GPC5: variants seen among roughly 807,000 people sequenced by gnomAD.
The protein encoded by GPC5 is glypican-5.
A neutral mutation model predicts 53.9 loss-of-function variants in GPC5; 47 were observed. The observed-to-expected ratio is 0.87, with a 90% CI of 0.69 to 1.11. The LOEUF (loss-of-function observed/expected upper bound fraction) is 1.11. Among genes scored for constraint, GPC5 ranks in the 50% most tolerant of loss-of-function variants. The pLI, the probability that GPC5 is intolerant of heterozygous loss-of-function variation, is 0.00. For missense variants in GPC5, 748 were observed against 713.1 expected (o/e 1.05, Z -0.56); for synonymous variants, 286 against 263.3 (o/e 1.09, Z -0.84).
intron 7 of GPC5, among the ~76,000 whole-genome samples, chr13:92,665,278 G>A (rs1160485881): frequency 6.6e-6 from 1 of 152,096 alleles, no homozygotes; most frequent in Non-Finnish European, 1.5e-5. Context: ...GGAAGGAGGA[G>A]ATAAGAAAAC....
chr13:92,077,815 C>A (rs1411217524), intron 6 of GPC5, among the ~76,000 whole-genome samples: 10 of 152,108 alleles, frequency 6.6e-5, no homozygotes. Flanking sequence ...GAAGAATAGA[C>A]GACTTTGAAA....
At chr13:91,431,208 T>C (rs949499793) in intron 1 of GPC5, among the ~76,000 whole-genome samples, 5 of 152,144 alleles carry the variant, frequency 3.3e-5, no homozygotes, top group African/African-American at 1.2e-4. Context: ...ATTATTTATT[T>C]CTGGGCACAC....
In GPC5 at chr13:91,600,305, CAGAGAGAGAGAG is replaced by C. The variant is rs67108031; in HGVS notation, c.326-92849_326-92838del. On this transcript the variant is annotated intron_variant, in intron 2 of 7. Coordinates refer to ENST00000377067, the MANE Select transcript of GPC5 (RefSeq NM_004466.6). ...TTTATCATGGTAATCGTTCATTTTA[CAGAGAGAGAGAG>C]AGAGAGAGAGAGAGAGAGAGAGAGA... Among the ~76,000 whole-genome samples, 689 of 146,628 alleles carry C rather than the reference CAGAGAGAGAGAG, an allele frequency of 4.7e-3. 3 individuals carry two copies. The highest frequency in any genetic ancestry group is 0.013 in the African/African-American group (511 of 38,932).
intron 1 of GPC5, among the ~76,000 whole-genome samples, chr13:91,444,411 A>T (rs970271552): frequency 6.6e-6 from 1 of 151,832 alleles, no homozygotes; most frequent in Non-Finnish European, 1.5e-5. Flanking sequence ...TCTGTTTCTT[A>T]TTCTCTTTTT....
chr13:91,434,341 C>T (rs1879740837), intron 1 of GPC5, among the ~76,000 whole-genome samples: 1 of 152,048 alleles, frequency 6.6e-6, no homozygotes, highest in South Asian at 2.1e-4. Flanking sequence ...TTAGGTCTAA[C>T]ATTTAAGTCT....
intron 7 of GPC5, among the ~76,000 whole-genome samples, chr13:92,695,118 C>A (rs1047265451): frequency 6.6e-6 from 1 of 152,162 alleles, no homozygotes; most frequent in Non-Finnish European, 1.5e-5. Context: ...GTCAATTAAA[C>A]CTCTTTCCTT....
intron 4 of GPC5, among the ~76,000 whole-genome samples, chr13:91,739,813 T>G (rs923222811): frequency 2.6e-5 from 4 of 151,410 alleles, no homozygotes; most frequent in Admixed American, 2.6e-4. Flanking sequence ...CCCTCTTCAT[T>G]GTAGAAGGGG....
At chr13:92,031,544 T>C (rs1208336049) in intron 6 of GPC5, among the ~76,000 whole-genome samples, 1 of 150,326 alleles carries the variant, frequency 6.7e-6, no homozygotes, top group African/African-American at 2.5e-5. Context: ...CACCAACATC[T>C]ATTCTTTCTT....
intron 7 of GPC5, among the ~76,000 whole-genome samples, chr13:92,188,941 A>T (rs1317471329): frequency 1.3e-5 from 2 of 152,200 alleles, no homozygotes; most frequent in Non-Finnish European, 2.9e-5. Flanking sequence ...AAACTTGGAG[A>T]GACAGGCAGG....
At chr13:92,309,849 T>C (rs1028888507) in intron 7 of GPC5, among the ~76,000 whole-genome samples, 17 of 152,100 alleles carry the variant, frequency 1.1e-4, no homozygotes, top group African/African-American at 3.9e-4. Flanking sequence ...AGAGTGTATT[T>C]AACCTATTTA....
At chr13:92,431,211 T>A (rs569228775) in intron 7 of GPC5, among the ~76,000 whole-genome samples, 2 of 152,294 alleles carry the variant, frequency 1.3e-5, no homozygotes, top group African/African-American at 4.8e-5. Context: ...TATGTAATGA[T>A]GAGCAAGAAA....
chr13:92,628,691 G>A (rs1034879329), intron 7 of GPC5, among the ~76,000 whole-genome samples: 1 of 152,034 alleles, frequency 6.6e-6, no homozygotes, highest in Non-Finnish European at 1.5e-5. Context: ...ACTTTAGATG[G>A]GAAGCTGAAA....
intron 6 of GPC5, among the ~76,000 whole-genome samples, chr13:92,043,891 G>T (rs1042566152): frequency 2.6e-5 from 4 of 152,166 alleles, no homozygotes; most frequent in Non-Finnish European, 5.9e-5. Flanking sequence ...TTCCTTTCCA[G>T]CAGATGACTG....
At chr13:91,546,518 A>C (rs2030296647) in intron 2 of GPC5, among the ~76,000 whole-genome samples, 1 of 152,086 alleles carries the variant, frequency 6.6e-6, no homozygotes, top group East Asian at 1.9e-4. Context: ...ATTTTTAATC[A>C]ATTTTTTAAA....
chr13:91,619,821 G>A (rs1422945720), intron 2 of GPC5, among the ~76,000 whole-genome samples: 8 of 152,100 alleles, frequency 5.3e-5, no homozygotes, highest in Non-Finnish European at 4.4e-5. Flanking sequence ...GCTCAGTGGT[G>A]TGTATTTAAA....
intron 7 of GPC5, among the ~76,000 whole-genome samples, chr13:92,184,742 TA>T (rs2042172124): frequency 6.6e-6 from 1 of 152,244 alleles, no homozygotes; most frequent in South Asian, 2.1e-4. Context: ...CACCTTAGTC[TA>T]CCATATTATA....
At chr13:91,522,956 A>G (rs980116100) in intron 2 of GPC5, among the ~76,000 whole-genome samples, 2 of 152,236 alleles carry the variant, frequency 1.3e-5, no homozygotes, top group African/African-American at 2.4e-5. Flanking sequence ...GCTATTGTGA[A>G]TAGTGCTGCA....
chr13:91,526,427 GGA>G (rs2138629471), intron 2 of GPC5, among the ~76,000 whole-genome samples: 1 of 152,272 alleles, frequency 6.6e-6, no homozygotes, highest in African/African-American at 2.4e-5. Context: ...ATGCAGAGAA[GGA>G]AGCACTTATT....
At chr13:92,644,564 A>T (rs1885703470) in intron 7 of GPC5, among the ~76,000 whole-genome samples, 1 of 152,184 alleles carries the variant, frequency 6.6e-6, no homozygotes, top group Non-Finnish European at 1.5e-5. Flanking sequence ...ACTATGTATT[A>T]ACAGCAATTG....
Sources: gnomAD v4.1 joint callset for allele counts (sites outside exome capture counted in the v4.1 genomes callset) on GRCh38, gnomAD v4.1.1 for gene constraint, MANE v1.5 for transcripts, NCBI Gene and HGNC (gene_info 2026-07-23, HGNC 2026-07-21) for gene names.